The following MKRN2OS variants were observed in gnomAD, a reference collection of about 807,000 sequenced individuals.
MKRN2OS encodes MKRN2 opposite strand protein.
MKRN2OS carries 17 observed loss-of-function variants against 18.2 expected under a neutral mutation model. The ratio of observed to expected loss-of-function variants is 0.93; its 90% CI spans 0.64 to 1.40. The LOEUF (loss-of-function observed/expected upper bound fraction) is 1.40, where lower values mean the gene tolerates loss of function less well. Ranked by LOEUF, MKRN2OS falls within the 40% of genes most tolerant of loss-of-function variation. The pLI, the probability that MKRN2OS is intolerant of heterozygous loss-of-function variation, is 0.00. For missense variants in MKRN2OS, 337 were observed against 283.0 expected, an observed-to-expected ratio of 1.19 and a Z score of -1.37; for synonymous variants, 121 against 108.5, an observed-to-expected ratio of 1.12 and a Z score of -0.72.
In MKRN2OS at chr3:12,543,189, T is replaced by TA; in HGVS notation, c.258dup (p.Asn87Ter). On this transcript the variant is annotated frameshift_variant, in exon 2 of 4. Coordinates refer to ENST00000564146, the MANE Select transcript of MKRN2OS (RefSeq NM_001195279.2). LOFTEE classifies it high-confidence loss of function. ...ACAAAACTGCACTTACCATTTGTGTTAGTTATTCCAACATGAAGATCAGAC... is the reference window on the plus strand; with the variant it reads ...ACAAAACTGCACTTACCATTTGTGTTAAGTTATTCCAACATGAAGATCAGAC... 1.3e-6 allele frequency: 2 copies of TA among 1,535,986 alleles called. No homozygotes were observed. Among genetic ancestry groups the TA allele is most frequent in the Non-Finnish European group, 1.7e-6 (2 of 1,146,808 alleles).
intron 1 of MKRN2OS, among the ~76,000 whole-genome samples, chr3:12,556,382 A>T (rs113948030): frequency 6.9e-4 from 22 of 31,694 alleles, no homozygotes; most frequent in Middle Eastern, 0.018. Context: ...AATAATAATT[A>T]AAAAAAAAGG....
At chr3:12,557,875 C>T (rs944512713) in intron 1 of MKRN2OS, among the ~76,000 whole-genome samples, 1 of 152,160 alleles carries the variant, frequency 6.6e-6, no homozygotes, top group South Asian at 2.1e-4. Flanking sequence ...AGAAATGCGA[C>T]GGTAATGGAT....
chr3:12,540,539 G>C (rs866399021), intron 3 of MKRN2OS, 106 bp from the exon 4 acceptor site: 12 of 1,311,282 alleles, frequency 9.2e-6, no homozygotes, highest in Non-Finnish European at 1.3e-5. Flanking sequence ...AGCAAGCAAG[G>C]CCCCTGCATG....
chr3:12,545,224 TAACACTGTAAAA>T lies in MKRN2OS; in HGVS notation c.218+11_218+22del, dbSNP rs913207053. On this transcript the variant is annotated intron_variant, in intron 1 of 3. Transcript: ENST00000564146. ...AAGGAAAAGTTTGCACAATGCAATT[TAACACTGTAAAA>T]AACACTGTACCTAAGAAATGTCCCC... 3.3e-6 allele frequency: 5 copies of T among 1,493,404 alleles called. No individual in the cohort carries two copies. The African/African-American group carries it at 5.6e-5, about 17-fold the overall frequency. 92.5% of individuals were successfully genotyped at this position (1,493,404 alleles called of 1,614,324 possible).
chr3:12,542,148 T>A, intron 2 of MKRN2OS, 126 bp from the exon 3 acceptor site: 1 of 969,192 alleles, frequency 1.0e-6, no homozygotes, highest in Non-Finnish European at 1.5e-6. Flanking sequence ...GTGGAGGTTC[T>A]AGAATCTTCC....
chr3:12,546,097 C>T (rs2057880282), upstream of MKRN2OS, among the ~76,000 whole-genome samples: 1 of 152,120 alleles, frequency 6.6e-6, no homozygotes, highest in Non-Finnish European at 1.5e-5. Context: ...AAGCCTAGAA[C>T]TGTTATTTAA....
intron 1 of MKRN2OS, among the ~76,000 whole-genome samples, chr3:12,543,853 C>T (rs2057849684): frequency 6.6e-6 from 1 of 151,302 alleles, no homozygotes; most frequent in South Asian, 2.1e-4. Flanking sequence ...GATTGCACCA[C>T]TGCACTCCAC....
Position 12,540,357 on chromosome 3 carries a change from G to A in MKRN2OS, c.508C>T (p.Gln170Ter). The A allele has an allele frequency of 1.3e-6, 2 of 1,536,100 alleles. No homozygotes were observed. The highest frequency in any genetic ancestry group is 1.7e-6 in the Non-Finnish European group (2 of 1,146,904). ...GTAAATTCACCCTTGTCCAGTTGCT[G>A]TCTACCTTCTGCCATCAGAACGCAG... Reference protein sequence around the residue: ...INCVLMAEGRQQLDKGEFTEK... With the variant: ...INCVLMAEGR The change falls in exon 4 of 4, where the codon CAG becomes TAG. Residue 170 changes from glutamine to a stop codon, truncating the protein, a stop_gained. Coordinates refer to ENST00000564146, the MANE Select transcript of MKRN2OS (RefSeq NM_001195279.2). LOFTEE classifies it low-confidence loss of function (END_TRUNC).
Position 12,540,394 on chromosome 3 carries a change from G to A in MKRN2OS, c.471C>T (p.Leu157=). The part of the protein sequence containing the change: ...DNHHNCYSYA[L]TFINCVLMAE... ...CCATCAGAACGCAGTTAATGAACGTGAGTGCGTAAGAGTAGCAGTTATGGT... is the reference window on the plus strand; with the variant it reads ...CCATCAGAACGCAGTTAATGAACGTAAGTGCGTAAGAGTAGCAGTTATGGT... Residue 157 remains leucine, a synonymous_variant, in exon 4 of 4, where the codon CTC becomes CTT. Coordinates refer to ENST00000564146, the MANE Select transcript of MKRN2OS (RefSeq NM_001195279.2). 1 of 1,536,102 alleles carries A rather than the reference G, an allele frequency of 6.5e-7. No individual in the cohort carries two copies. The highest frequency in any genetic ancestry group is 8.7e-7 in the Non-Finnish European group (1 of 1,146,906).
chr3:12,557,065 C>T (rs2057978941), intron 1 of MKRN2OS: 1 of 1,334,830 alleles, frequency 7.5e-7, no homozygotes, highest in Non-Finnish European at 9.6e-7. Context: ...CGCGGCTACG[C>T]GGGATGGGCC....
intron 2 of MKRN2OS, among the ~76,000 whole-genome samples, chr3:12,542,955 C>A (rs1481246097): frequency 1.3e-5 from 2 of 152,160 alleles, no homozygotes; most frequent in Non-Finnish European, 2.9e-5. Flanking sequence ...AGGCTCCTCA[C>A]TGAGAAAACG....
At chr3:12,556,351 C>CA (rs1263062282) in intron 1 of MKRN2OS, among the ~76,000 whole-genome samples, 2 of 144,856 alleles carry the variant, frequency 1.4e-5, no homozygotes, top group Non-Finnish European at 3.0e-5. Flanking sequence ...AACTCCGTCT[C>CA]AAAAAAATAA....
chr3:12,557,656 G>C (rs1037037178), intron 1 of MKRN2OS, among the ~76,000 whole-genome samples: 45 of 152,260 alleles, frequency 3.0e-4, no homozygotes, highest in Admixed American at 2.9e-3. Flanking sequence ...GAGTTAACAA[G>C]TAAAAGTTGT....
chr3:12,555,456 T>G (rs2057961097), intron 1 of MKRN2OS, among the ~76,000 whole-genome samples: 1 of 152,122 alleles, frequency 6.6e-6, no homozygotes, highest in Non-Finnish European at 1.5e-5. Context: ...TTTCAAAAGT[T>G]CTAAATAATT....
chr3:12,545,782 C>T (rs927701978), upstream of MKRN2OS, among the ~76,000 whole-genome samples: 17 of 152,136 alleles, frequency 1.1e-4, no homozygotes, highest in Admixed American at 9.8e-4. Flanking sequence ...GCAGTGGCAG[C>T]GCTGGATTCA....
upstream of MKRN2OS, among the ~76,000 whole-genome samples, chr3:12,547,715 A>G (rs552566523): frequency 6.6e-6 from 1 of 152,316 alleles, no homozygotes; most frequent in African/African-American, 2.4e-5. Context: ...TGATGCCTGT[A>G]ATTCCAAAGA....
chr3:12,540,809 G>C (rs561409657), intron 3 of MKRN2OS, among the ~76,000 whole-genome samples: 1 of 149,800 alleles, frequency 6.7e-6, no homozygotes, highest in Admixed American at 6.7e-5. Context: ...GGGAGGCAGA[G>C]GTTGCAGTAA....
At chr3:12,543,578 G>A (rs1390125441) in intron 1 of MKRN2OS, among the ~76,000 whole-genome samples, 1 of 146,890 alleles carries the variant, frequency 6.8e-6, no homozygotes, top group Non-Finnish European at 1.5e-5. Flanking sequence ...TAGAACGAGA[G>A]TCTGTCCAAG....
At chr3:12,555,002 G>A (rs2057956068) in intron 1 of MKRN2OS, among the ~76,000 whole-genome samples, 1 of 152,140 alleles carries the variant, frequency 6.6e-6, no homozygotes, top group African/African-American at 2.4e-5. Flanking sequence ...AATGAGATAA[G>A]CTGAATTTTA....
Sources: allele counts gnomAD v4.1 joint callset (sites outside exome capture counted in the v4.1 genomes callset), GRCh38; gene constraint gnomAD v4.1.1; transcripts MANE v1.5; gene names NCBI Gene and HGNC (gene_info 2026-07-23, HGNC 2026-07-21).